LRMDA: variants seen among roughly 807,000 people sequenced by gnomAD.
LRMDA encodes the protein leucine rich melanocyte differentiation associated.
Under a neutral mutation model 29.8 loss-of-function variants are expected in LRMDA, and 18 were observed. The ratio of observed to expected loss-of-function variants is 0.60; its 90% CI spans 0.42 to 0.90. The LOEUF is 0.90. Among genes scored for constraint, LRMDA ranks in the 40% least tolerant of loss-of-function variants. The probability of loss-of-function intolerance (pLI) is 0.00; values close to 1 mark genes in which losing one functional copy is unlikely to be tolerated. For synonymous variants in LRMDA, 125 were observed against 109.4 expected (o/e 1.14, Z -0.89); for missense variants, 273 against 273.9 (o/e 1.00, Z 0.02).
intron 5 of LRMDA, among the ~76,000 whole-genome samples, chr10:76,201,616 A>G (rs1317163998): frequency 6.6e-6 from 1 of 152,160 alleles, no homozygotes; most frequent in African/African-American, 2.4e-5. Context: ...TCTGTATCTC[A>G]TCCTCACCTC....
At chr10:75,608,038 C>A (rs1277286107) in intron 2 of LRMDA, among the ~76,000 whole-genome samples, 2 of 147,274 alleles carry the variant, frequency 1.4e-5, no homozygotes, top group Non-Finnish European at 3.0e-5. Flanking sequence ...CAGATATATA[C>A]CCAGATAACC....
At chr10:75,965,706 A>G (rs928590901) in intron 2 of LRMDA, among the ~76,000 whole-genome samples, 1 of 152,110 alleles carries the variant, frequency 6.6e-6, no homozygotes, top group African/African-American at 2.4e-5. Context: ...TGGCATCTTG[A>G]CTTCTCTAAA....
At chr10:76,402,886 G>T (rs912740541) in intron 6 of LRMDA, among the ~76,000 whole-genome samples, 1 of 152,074 alleles carries the variant, frequency 6.6e-6, no homozygotes, top group Non-Finnish European at 1.5e-5. Context: ...TAACTTACAA[G>T]GATGTAAATA....
At chr10:75,558,758 A>C (rs1840250563) in intron 2 of LRMDA, among the ~76,000 whole-genome samples, 1 of 147,656 alleles carries the variant, frequency 6.8e-6, no homozygotes, top group African/African-American at 2.5e-5. Flanking sequence ...TTCAATTTCC[A>C]CCTATGAGTG....
At chr10:75,997,801 T>A (rs893670762) in intron 2 of LRMDA, among the ~76,000 whole-genome samples, 38 of 152,172 alleles carry the variant, frequency 2.5e-4, no homozygotes, top group Non-Finnish European at 1.3e-4. Flanking sequence ...CAGCCCCTAT[T>A]TGACTGTGGT....
At chr10:76,117,715 A>T (rs1217196105) in intron 5 of LRMDA, among the ~76,000 whole-genome samples, 1 of 152,238 alleles carries the variant, frequency 6.6e-6, no homozygotes, top group African/African-American at 2.4e-5. Context: ...ATCTAGGACC[A>T]AACTTTTCTG....
chr10:75,776,642 C>G (rs921698058), intron 2 of LRMDA, among the ~76,000 whole-genome samples: 2 of 152,172 alleles, frequency 1.3e-5, no homozygotes, highest in Non-Finnish European at 2.9e-5. Flanking sequence ...ACACTATTAG[C>G]AAGGGAATTG....
chr10:76,240,800 A>AGATAGAT (rs910327255), intron 5 of LRMDA, among the ~76,000 whole-genome samples: 5 of 98,412 alleles, frequency 5.1e-5, no homozygotes, highest in African/African-American at 1.8e-4. Context: ...ATAGATAGAT[A>AGATAGAT]GATACACATA....
chr10:75,843,837 G>C (rs1844586106), intron 2 of LRMDA, among the ~76,000 whole-genome samples: 1 of 152,166 alleles, frequency 6.6e-6, no homozygotes. Context: ...CAATAGAAGA[G>C]GAGATGTTGT....
intron 5 of LRMDA, among the ~76,000 whole-genome samples, chr10:76,319,465 T>C (rs1840742294): frequency 6.6e-6 from 1 of 152,160 alleles, no homozygotes; most frequent in South Asian, 2.1e-4. Context: ...ATCCAGAGTA[T>C]GGGAGTGTGA....
At chr10:75,450,002 G>T in intron 2 of LRMDA, 1 of 152,120 alleles carries the variant, frequency 6.6e-6, no homozygotes, top group East Asian at 1.9e-4. Context: ...CTCTCCTCAG[G>T]GACTGTAGTG....
chr10:75,622,095 G>A (rs913177745), intron 2 of LRMDA, among the ~76,000 whole-genome samples: 1 of 152,104 alleles, frequency 6.6e-6, no homozygotes, highest in Admixed American at 6.5e-5. Context: ...ACCTGCTTTG[G>A]GTTTATACAG....
At chr10:76,359,694 T>A (rs1208324189) in intron 6 of LRMDA, among the ~76,000 whole-genome samples, 1 of 152,190 alleles carries the variant, frequency 6.6e-6, no homozygotes, top group Non-Finnish European at 1.5e-5. Flanking sequence ...ACCACTTTCG[T>A]AAGTAATCAG....
chr10:76,170,728 A>G (rs1850820172), intron 5 of LRMDA, among the ~76,000 whole-genome samples: 1 of 152,224 alleles, frequency 6.6e-6, no homozygotes. Context: ...AAAATTCTAT[A>G]AAATGGTTGG....
chr10:76,087,983 GACAAGGTGT>G (rs1849164179), intron 5 of LRMDA, among the ~76,000 whole-genome samples: 1 of 152,044 alleles, frequency 6.6e-6, no homozygotes, highest in African/African-American at 2.4e-5. Flanking sequence ...AAATTATCTG[GACAAGGTGT>G]ACCTATAGTC....
intron 2 of LRMDA, among the ~76,000 whole-genome samples, chr10:75,654,351 T>G (rs1841640355): frequency 6.6e-6 from 1 of 152,170 alleles, no homozygotes; most frequent in African/African-American, 2.4e-5. Flanking sequence ...ATCAATCTAC[T>G]CAGTTTATAT....
intron 2 of LRMDA, among the ~76,000 whole-genome samples, chr10:75,564,016 C>G (rs1221993305): frequency 6.6e-6 from 1 of 152,208 alleles, no homozygotes; most frequent in African/African-American, 2.4e-5. Flanking sequence ...TCTGCCCGTT[C>G]TCAGATCTCC....
intron 2 of LRMDA, among the ~76,000 whole-genome samples, chr10:75,718,191 C>T (rs551838792): frequency 1.4e-4 from 21 of 152,314 alleles, no homozygotes; most frequent in African/African-American, 4.6e-4. Context: ...TAGTGGCACT[C>T]GATCAGCAAT....
chr10:75,999,093 A>G lies in LRMDA; in HGVS notation c.132-36915A>G, dbSNP rs566076721. Among the ~76,000 whole-genome samples, 22 of 152,336 alleles carry G rather than the reference A, an allele frequency of 1.4e-4. 2 individuals carry two copies. Among genetic ancestry groups the G allele is most frequent in the African/African-American group, 5.1e-4 (21 of 41,582 alleles). On this transcript the variant is annotated intron_variant, in intron 2 of 6. Transcript: ENST00000611255. The stretch of plus-strand genomic sequence containing the variant: ...TGACTTCTGCTCTCAGGAAACTCAC[A>G]ACCCAGAAAGCCGGGAAATAGCATG...
Sources: allele counts gnomAD v4.1 joint callset (sites outside exome capture counted in the v4.1 genomes callset), GRCh38; gene constraint gnomAD v4.1.1; transcripts MANE v1.5; gene names NCBI Gene and HGNC (gene_info 2026-07-23, HGNC 2026-07-21).